The following LETMD1 variants were observed in gnomAD, a reference collection of about 807,000 sequenced individuals.
The protein encoded by LETMD1 is LETM1 domain containing 1, also known as LETM1 domain-containing protein 1.
A neutral mutation model predicts 43.9 loss-of-function variants in LETMD1; 30 were observed. That is an observed-to-expected ratio of 0.68 (90% CI 0.51 to 0.93). The LOEUF (loss-of-function observed/expected upper bound fraction) is 0.93, where lower values mean the gene tolerates loss of function less well. LETMD1 is among the 40% of genes least tolerant of loss of function. The pLI is 0.00. For missense variants in LETMD1, 413 were observed against 447.7 expected, an observed-to-expected ratio of 0.92 and a Z score of 0.70; for synonymous variants, 176 against 163.1, an observed-to-expected ratio of 1.08 and a Z score of -0.60.
chr12:51,063,750 A>C (rs1217721594), downstream of LETMD1: 1 of 1,540,024 alleles, frequency 6.5e-7, no homozygotes, highest in East Asian at 2.3e-5. Context: ...CGCCTGTCAC[A>C]CTGCCAGAGG....
chr12:51,066,921 G>A, the LETMD1 span, among the ~76,000 whole-genome samples: 2 of 151,958 alleles, frequency 1.3e-5, no homozygotes, highest in Non-Finnish European at 1.5e-5. Context: ...ATGCCTCCCA[G>A]GCTCAAGTGA....
At chr12:51,053,976 C>T in intron 4 of LETMD1, 116 bp downstream of exon 4, 1 of 726,134 alleles carries the variant, frequency 1.4e-6, no homozygotes, top group East Asian at 2.5e-5. Flanking sequence ...CAAACTTCTG[C>T]TCCAATCTTC....
chr12:51,062,916 G>A (rs949092243), downstream of LETMD1: 1 of 152,444 alleles, frequency 6.6e-6, no homozygotes, highest in Admixed American at 6.6e-5. Flanking sequence ...GGCCTCCTAT[G>A]GGATGGGTGA....
downstream of LETMD1, chr12:51,064,744 C>A (rs770856679): frequency 3.5e-5 from 46 of 1,315,050 alleles, no homozygotes; most frequent in Non-Finnish European, 4.4e-5. Context: ...CATGAGCTGG[C>A]AAACAGGCAG....
chr12:51,051,527 T>G (rs934515233), intron 2 of LETMD1, among the ~76,000 whole-genome samples: 1 of 151,730 alleles, frequency 6.6e-6, no homozygotes, highest in African/African-American at 2.4e-5. Context: ...GTCCACATGG[T>G]GAAACCCCAT....
At chr12:51,048,827 T>TG in intron 1 of LETMD1, 2 of 604,054 alleles carry the variant, frequency 3.3e-6, no homozygotes. Flanking sequence ...AGGCATACCC[T>TG]GAGTTACTTT....
At chr12:51,060,437 C>G (rs1255752979), downstream of LETMD1, 3 of 152,202 alleles carry the variant, frequency 2.0e-5, no homozygotes, top group East Asian at 1.9e-4. Flanking sequence ...TATGCATACT[C>G]TAATCATTTT....
chr12:51,051,064 G>A (rs909616295), intron 2 of LETMD1, among the ~76,000 whole-genome samples: 6 of 151,264 alleles, frequency 4.0e-5, no homozygotes, highest in African/African-American at 1.5e-4. Flanking sequence ...TTCATAAAAT[G>A]AAAATTTAAA....
chr12:51,050,363 C>T (rs888094974), intron 2 of LETMD1, among the ~76,000 whole-genome samples: 4 of 151,762 alleles, frequency 2.6e-5, no homozygotes, highest in Admixed American at 1.3e-4. Context: ...GCTGGGAATA[C>T]AGGCGCCTGC....
At chr12:51,064,369 T>G (rs1276448689), downstream of LETMD1, 2 of 1,614,106 alleles carry the variant, frequency 1.2e-6, no homozygotes, top group Non-Finnish European at 8.5e-7. Context: ...TCTTCTGCCT[T>G]GAGCCGCTCC....
chr12:51,054,109 A>G (rs899041122), intron 4 of LETMD1, among the ~76,000 whole-genome samples: 1 of 152,058 alleles, frequency 6.6e-6, no homozygotes, highest in Non-Finnish European at 1.5e-5. Flanking sequence ...CATGTGAAAT[A>G]AGATAGTGAC....
At chr12:51,068,067 A>G in the LETMD1 span, 1 of 1,154,640 alleles carries the variant, frequency 8.7e-7, no homozygotes, top group East Asian at 2.4e-5. Context: ...ACCTTCTGCA[A>G]TCATGGGAAT....
chr12:51,049,009 A>G, intron 1 of LETMD1, 25 bp from the exon 2 acceptor site: 1 of 1,607,154 alleles, frequency 6.2e-7, no homozygotes, highest in Non-Finnish European at 8.5e-7. Flanking sequence ...TGATTCCCAG[A>G]TAGTCTCTTT....
downstream of LETMD1, chr12:51,064,408 C>T (rs1261179943): frequency 1.2e-6 from 2 of 1,613,792 alleles, no homozygotes; most frequent in Non-Finnish European, 1.7e-6. Context: ...AGGTGCATCA[C>T]TGCTGTCTCA....
the LETMD1 span, chr12:51,067,745 T>C: frequency 6.2e-7 from 1 of 1,614,174 alleles, no homozygotes; most frequent in African/African-American, 1.3e-5. This position sits in a 1 kb window ranked among gnomAD's most constrained non-coding sequence, Gnocchi z 4.1. Flanking sequence ...CACAACCACA[T>C]TCTTCCCGTG....
At chr12:51,068,385 C>G in the LETMD1 span, among the ~76,000 whole-genome samples, 1 of 152,252 alleles carries the variant, frequency 6.6e-6, no homozygotes, top group African/African-American at 2.4e-5. Context: ...CTGCTGGCCT[C>G]AAGTGATCCA....
At chr12:51,066,197 G>A in the LETMD1 span, among the ~76,000 whole-genome samples, 1 of 152,180 alleles carries the variant, frequency 6.6e-6, no homozygotes, top group Non-Finnish European at 1.5e-5. Flanking sequence ...GCTCACGCCT[G>A]TAATCCCAGC....
intron 2 of LETMD1, 46 bp downstream of exon 2, chr12:51,049,231 A>G: frequency 6.6e-7 from 1 of 1,526,190 alleles, no homozygotes; most frequent in Non-Finnish European, 9.0e-7. Context: ...GCTCTTGGGC[A>G]GGGTCAAAGA....
In LETMD1 at chr12:51,052,185, G is replaced by A. The variant is rs770454754; in HGVS notation, c.368G>A (p.Arg123Gln). The change falls in exon 3 of 9, where the codon CGG (arginine) becomes CAG (glutamine). Residue 123 changes from arginine (R) to glutamine (Q), a missense_variant. By Grantham distance (43) the Arg-to-Gln change is conservative. Transcript: ENST00000262055. Reference sequence around the variant, plus strand: ...ATAAAGTTTCATCAACTTCCATACCGGGAGATGGAGCATTTGAGACAGGTA... The same window carrying A: ...ATAAAGTTTCATCAACTTCCATACCAGGAGATGGAGCATTTGAGACAGGTA... ...HNIKFHQLPYREMEHLRQFRQ... is the reference protein window; with the variant it reads ...HNIKFHQLPYQEMEHLRQFRQ... 2.4e-5 allele frequency: 38 copies of A among 1,613,568 alleles called. No homozygotes were observed. The highest frequency in any genetic ancestry group is 1.5e-4 in the African/African-American group (11 of 74,918).
Sources: allele counts gnomAD v4.1 joint callset (sites outside exome capture counted in the v4.1 genomes callset), GRCh38; gene constraint gnomAD v4.1.1; non-coding constraint Gnocchi (gnomAD v3.1); transcripts MANE v1.5; gene names NCBI Gene and HGNC (gene_info 2026-07-23, HGNC 2026-07-21).